Variants in CLPX observed in about 807,000 individuals in gnomAD.
CLPX encodes the protein ATP-dependent clpX-like chaperone, mitochondrial.
CLPX carries 34 observed loss-of-function variants against 76.4 expected under a neutral mutation model. The ratio of observed to expected loss-of-function variants is 0.45; its 90% CI spans 0.34 to 0.59. CLPX has a LOEUF of 0.59. CLPX is among the 20% of genes least tolerant of loss of function. The probability of loss-of-function intolerance (pLI) is 0.01; values close to 1 mark genes in which losing one functional copy is unlikely to be tolerated. For missense variants in CLPX, 613 were observed against 757.0 expected (o/e 0.81, Z 2.23); for synonymous variants, 248 against 270.9 (o/e 0.92, Z 0.83).
chr15:65,162,481 G>T (rs145028602), intron 6 of CLPX, 123 bp downstream of exon 6: 4 of 603,820 alleles, frequency 6.6e-6, no homozygotes, highest in Admixed American at 6.3e-5. Flanking sequence ...TAGATAATAC[G>T]TATCTTTCTT....
At chr15:65,155,111 T>C in intron 10 of CLPX, 30 bp from the exon 11 acceptor site, 1 of 1,572,532 alleles carries the variant, frequency 6.4e-7, no homozygotes, top group Non-Finnish European at 8.7e-7. Context: ...TATTTATAAT[T>C]AGTAGAATCA....
rs765936633 is a variant in CLPX at position 65,180,183 on chromosome 15, T to C, written c.101A>G (p.His34Arg). 3 of 1,602,352 alleles carry C rather than the reference T, an allele frequency of 1.9e-6. No homozygotes were observed. The highest frequency in any genetic ancestry group is 2.2e-5 in the East Asian group (1 of 44,712). The change falls in exon 2 of 14, where the codon CAT becomes CGT. Residue 34 changes from histidine (H) to arginine (R), a missense_variant. His to Arg is a conservative substitution (Grantham distance 29). Transcript: ENST00000300107. ...AQRGISGGRI[H>R]MSVLGRLGTF... ...CCCAAGCCTTCCTAAAACTGACATA[T>C]GAATGCGACCACCAGAAATACCTGA...
In CLPX at chr15:65,166,640, G is replaced by C; in HGVS notation, c.504C>G (p.Pro168=). ...AGCTTAAGACTTATACCTTCTTAGG[G>C]GGAGGTGGTGGTTTCTGTTGGAATG... ...KLAFQQKPPP[P]PKKIYNYLDK... Residue 168 remains proline, a synonymous_variant, in exon 4 of 14, where the codon CCC becomes CCG. Coordinates refer to ENST00000300107, the MANE Select transcript of CLPX (RefSeq NM_006660.5). The C allele has an allele frequency of 1.2e-6, 2 of 1,613,990 alleles. No individual in the cohort carries two copies. The highest frequency in any genetic ancestry group is 1.7e-6 in the Non-Finnish European group (2 of 1,179,948).
chr15:65,155,765 G>A lies in CLPX; in HGVS notation c.1238C>T (p.Thr413Ile), dbSNP rs112493401. The A allele has an allele frequency of 6.2e-7, 1 of 1,613,980 alleles. No individual in the cohort carries two copies. The highest frequency in any genetic ancestry group is 8.5e-7 in the Non-Finnish European group (1 of 1,179,892). ...LRGETVQVDT[T>I]NILFVASGAF... is the part of the protein sequence containing the mutation. Reference sequence around the variant, plus strand: ...ACCAGATGCCACAAACAGGATGTTTGTTGTATCAACTTGAACTGTTTCTCC... The same window carrying A: ...ACCAGATGCCACAAACAGGATGTTTATTGTATCAACTTGAACTGTTTCTCC... Residue 413 changes from threonine (T) to isoleucine (I), a missense_variant, in exon 10 of 14, where the codon ACA becomes ATA. Transcript: ENST00000300107.
chr15:65,169,806 T>C (rs140000268), intron 3 of CLPX, among the ~76,000 whole-genome samples: 4,112 of 151,682 alleles, frequency 0.027, 172 homozygotes, highest in African/African-American at 0.091. Flanking sequence ...CCCAGACTAG[T>C]GTGCAATGGT....
chr15:65,171,989 C>T (rs1198349606), intron 3 of CLPX, among the ~76,000 whole-genome samples: 1 of 152,056 alleles, frequency 6.6e-6, no homozygotes, highest in Admixed American at 6.5e-5. Context: ...TTGCAATGCA[C>T]TTTTTTGTTT....
intron 1 of CLPX, among the ~76,000 whole-genome samples, chr15:65,184,764 T>C (rs992490126): frequency 1.1e-4 from 16 of 152,238 alleles, no homozygotes; most frequent in Admixed American, 7.8e-4. Context: ...CATTTTTTAA[T>C]AACAGGAGCA....
intron 9 of CLPX, among the ~76,000 whole-genome samples, chr15:65,156,441 T>C (rs2087790599): frequency 6.6e-6 from 1 of 152,234 alleles, no homozygotes; most frequent in Admixed American, 6.5e-5. Context: ...ACTTCAATTA[T>C]GGCTCTGCAA....
intron 1 of CLPX, among the ~76,000 whole-genome samples, 171 bp from the exon 2 acceptor site, chr15:65,180,375 G>A (rs1215396464): frequency 6.6e-6 from 1 of 152,094 alleles, no homozygotes; most frequent in Non-Finnish European, 1.5e-5. Flanking sequence ...TCAAAAACAG[G>A]CCAGCAGGTC....
intron 3 of CLPX, among the ~76,000 whole-genome samples, chr15:65,173,365 CAAAAAAAAAA>C (rs35763100): frequency 3.8e-5 from 2 of 52,188 alleles, no homozygotes; most frequent in South Asian, 7.1e-4. Context: ...GACTCTGTCT[CAAAAAAAAAA>C]AAAAAAAAAA....
chr15:65,155,602 G>A, intron 10 of CLPX, 90 bp downstream of exon 10: 4 of 1,088,954 alleles, frequency 3.7e-6, no homozygotes, highest in Non-Finnish European at 5.4e-6. Flanking sequence ...TTAAAACTAT[G>A]ACTGGTAGCC....
At chr15:65,158,313 C>T (rs1435762182) in intron 7 of CLPX, 15 of 371,170 alleles carry the variant, frequency 4.0e-5, no homozygotes, top group Non-Finnish European at 4.8e-6. Flanking sequence ...TGAGCCACTA[C>T]ATCCGATCTA....
At chr15:65,169,063 G>A (rs1045775078) in intron 3 of CLPX, among the ~76,000 whole-genome samples, 2 of 144,022 alleles carry the variant, frequency 1.4e-5, no homozygotes, top group Non-Finnish European at 3.0e-5. Flanking sequence ...TTGCTCTGTC[G>A]CCCAGGCTGG....
intron 3 of CLPX, among the ~76,000 whole-genome samples, chr15:65,176,472 G>A (rs1242694961): frequency 6.6e-6 from 1 of 152,114 alleles, no homozygotes; most frequent in African/African-American, 2.4e-5. Context: ...TTATAAAAAG[G>A]AGAATACTCT....
At position 65,165,484 on chromosome 15, in the gene CLPX, C is replaced by G. The variant is rs550745961; in HGVS notation, c.513+1147G>C. 4.0e-5 allele frequency among the ~76,000 whole-genome samples: 6 copies of G among 149,774 alleles called. No homozygotes were observed. The South Asian group carries it at 1.3e-3, about 31-fold the overall frequency. ...CTGCAAGCTCCGCCTCCCGGGTTCACGCCATTCTCCTGCCTCAGCCTCCCG... is the reference window on the plus strand; with the variant it reads ...CTGCAAGCTCCGCCTCCCGGGTTCAGGCCATTCTCCTGCCTCAGCCTCCCG... On this transcript the variant is annotated intron_variant, in intron 4 of 13. Transcript: ENST00000300107.
At chr15:65,183,727 AAC>A (rs1312800712) in intron 1 of CLPX, among the ~76,000 whole-genome samples, 1 of 152,298 alleles carries the variant, frequency 6.6e-6, no homozygotes, top group East Asian at 1.9e-4. Flanking sequence ...GACCAAAGGG[AAC>A]ACACACATAC....
At chr15:65,170,634 G>A (rs1477405609) in intron 3 of CLPX, among the ~76,000 whole-genome samples, 8 of 151,540 alleles carry the variant, frequency 5.3e-5, no homozygotes, top group African/African-American at 9.7e-5. Flanking sequence ...GTGTGGTGGC[G>A]GGTGCCTGTA....
At chr15:65,168,566 G>C (rs865804424) in intron 3 of CLPX, among the ~76,000 whole-genome samples, 2 of 140,640 alleles carry the variant, frequency 1.4e-5, no homozygotes, top group African/African-American at 5.3e-5. Context: ...CTTGGACACA[G>C]GGTGGGGAAC....
In CLPX at chr15:65,153,561, G is replaced by T; in HGVS notation, c.1690C>A (p.Leu564Ile). Residue 564 changes from leucine (L) to isoleucine (I), a missense_variant, in exon 12 of 14, where the codon CTT becomes ATT. Coordinates refer to ENST00000300107, the MANE Select transcript of CLPX (RefSeq NM_006660.5). ...TGCCAACTCACCATTATGGACCGAA[G>T]GCCTCGTGCACCTGTTTTTCGTTCT... ...ALERKTGARG[L>I]RSIMEKLLLE... 1 of 1,593,046 alleles carries T rather than the reference G, an allele frequency of 6.3e-7. No individual in the cohort carries two copies. The highest frequency in any genetic ancestry group is 8.6e-7 in the Non-Finnish European group (1 of 1,168,604).
Sources: allele counts gnomAD v4.1 joint callset (sites outside exome capture counted in the v4.1 genomes callset), GRCh38; gene constraint gnomAD v4.1.1; transcripts MANE v1.5; gene names NCBI Gene and HGNC (gene_info 2026-07-23, HGNC 2026-07-21).